Variants in HIP1 observed in about 807,000 individuals in gnomAD.
The protein encoded by HIP1 is huntingtin interacting protein 1, also known as huntingtin-interacting protein 1.
Under a neutral mutation model 147.6 loss-of-function variants are expected in HIP1, and 65 were observed. That is an observed-to-expected ratio of 0.44 (90% CI 0.36 to 0.54). The LOEUF (loss-of-function observed/expected upper bound fraction) is 0.54. Among genes scored for constraint, HIP1 ranks in the 20% least tolerant of loss-of-function variants. The pLI, the probability that HIP1 is intolerant of heterozygous loss-of-function variation, is 0.00. For synonymous variants in HIP1, 479 were observed against 504.0 expected, an observed-to-expected ratio of 0.95 and a Z score of 0.67; for missense variants, 1,061 against 1,299.6, an observed-to-expected ratio of 0.82 and a Z score of 2.82.
In HIP1 at chr7:75,536,709, A is replaced by G. The variant is rs1584763210; in HGVS notation, c.*1463T>C. Reference sequence around the variant, plus strand: ...CCTTTCTCATTTTCTCTGACCCAAGAGCTCCAAATGATCTCCTTGCTTTGG... The same window carrying G: ...CCTTTCTCATTTTCTCTGACCCAAGGGCTCCAAATGATCTCCTTGCTTTGG... On this transcript the variant is annotated 3_prime_UTR_variant, in exon 31 of 31. Transcript: ENST00000336926. 1 of 228,420 alleles carries G rather than the reference A, an allele frequency of 4.4e-6. No homozygotes were observed. Among genetic ancestry groups the G allele is most frequent in the Middle Eastern group, 1.3e-3 (1 of 764 alleles). The allele number at this position is 228,420 out of a possible 1,614,324, so 14.1% of individuals were successfully genotyped here.
intron 25 of HIP1, among the ~76,000 whole-genome samples, chr7:75,546,428 C>T (rs587721553): frequency 5.9e-5 from 9 of 152,254 alleles, no homozygotes; most frequent in Non-Finnish European, 1.0e-4. Context: ...TTACGCCTCC[C>T]GAGCTGCGGC....
intron 7 of HIP1, among the ~76,000 whole-genome samples, chr7:75,580,866 C>G (rs1224534003): frequency 2.0e-4 from 31 of 152,176 alleles, no homozygotes; most frequent in African/African-American, 6.7e-4. Flanking sequence ...CTCAGCCTCC[C>G]AAGTAACTGG....
At chr7:75,688,490 C>A (rs146051735) in intron 1 of HIP1, among the ~76,000 whole-genome samples, 2 of 152,088 alleles carry the variant, frequency 1.3e-5, no homozygotes, top group Non-Finnish European at 2.9e-5. Context: ...GGCAGCCAAG[C>A]GCACAAGTGC....
chr7:75,555,377 A>T, intron 19 of HIP1, 39 bp downstream of exon 19: 1 of 1,611,012 alleles, frequency 6.2e-7, no homozygotes. Context: ...TCAGGCTGTA[A>T]GGACCTGGCC....
chr7:75,578,108 C>T (rs1040071240), intron 7 of HIP1, among the ~76,000 whole-genome samples: 7 of 152,174 alleles, frequency 4.6e-5, no homozygotes, highest in Admixed American at 2.0e-4. Context: ...TCTCAGCTAA[C>T]CAAGTCCTTT....
chr7:75,618,634 T>C (rs1056999083), intron 1 of HIP1, among the ~76,000 whole-genome samples: 2 of 152,184 alleles, frequency 1.3e-5, no homozygotes, highest in African/African-American at 4.8e-5. Context: ...TCTTCTCTTT[T>C]ATTAATATAC....
At chr7:75,702,042 G>A (rs1379960393) in intron 1 of HIP1, among the ~76,000 whole-genome samples, 1 of 151,366 alleles carries the variant, frequency 6.6e-6, no homozygotes, top group East Asian at 1.9e-4. Context: ...CGATTCTCCT[G>A]TCTCACCCTC....
chr7:75,713,430 C>T (rs141572210), intron 1 of HIP1, among the ~76,000 whole-genome samples: 3 of 152,306 alleles, frequency 2.0e-5, no homozygotes, highest in African/African-American at 7.2e-5. Flanking sequence ...GGGAGGCAGA[C>T]AGCAAAATTT....
intron 1 of HIP1, among the ~76,000 whole-genome samples, chr7:75,725,110 C>A (rs77255244): frequency 0.051 from 7,798 of 152,082 alleles, 205 homozygotes; most frequent in Middle Eastern, 0.068. Flanking sequence ...ACTGCAGCCT[C>A]CAACTTGGGC....
At chr7:75,569,874 G>A (rs587738300) in intron 8 of HIP1, among the ~76,000 whole-genome samples, 5 of 152,096 alleles carry the variant, frequency 3.3e-5, no homozygotes, top group Admixed American at 6.6e-5. Context: ...TGCATGTACC[G>A]GGTGAGATTC....
intron 4 of HIP1, among the ~76,000 whole-genome samples, chr7:75,587,563 A>T (rs912484526): frequency 1.8e-4 from 27 of 152,190 alleles, no homozygotes; most frequent in Admixed American, 1.6e-3. Flanking sequence ...ACCAGTTGAA[A>T]TTTTTGCTAT....
chr7:75,615,063 A>G (rs1308920374), intron 1 of HIP1, among the ~76,000 whole-genome samples: 1 of 151,554 alleles, frequency 6.6e-6, no homozygotes, highest in African/African-American at 2.4e-5. Flanking sequence ...ATGAGCCACC[A>G]CGCTGGCCTG....
At chr7:75,597,117 GA>G (rs1444117606) in intron 2 of HIP1, among the ~76,000 whole-genome samples, 1 of 152,070 alleles carries the variant, frequency 6.6e-6, no homozygotes, top group Non-Finnish European at 1.5e-5. Flanking sequence ...TCTTTCTGGG[GA>G]AAAAAAGAGC....
At chr7:75,730,034 C>A (rs1225652136) in intron 1 of HIP1, among the ~76,000 whole-genome samples, 4 of 152,098 alleles carry the variant, frequency 2.6e-5, no homozygotes, top group African/African-American at 9.7e-5. Context: ...AGGTGGGGAC[C>A]ATTGTCCTGC....
Position 75,539,364 on chromosome 7 carries a change from T to C in HIP1, c.3020A>G (p.Lys1007Arg). The change falls in exon 30 of 31, where the codon AAG becomes AGG. Residue 1007 changes from lysine to arginine, a missense_variant. This residue lies in a region of HIP1 where 810 missense variants were observed against 946.8 expected (regional missense o/e 0.86). Coordinates refer to ENST00000336926, the MANE Select transcript of HIP1 (RefSeq NM_005338.7). ...ERQKLGELRK[K>R]HYELAGVAEG... ...AGCAACACCAGCAAGCTCGTAGTGC[T>C]TTTTCCGAAGCTCTCCCAGTTTTTG... The C allele has an allele frequency of 6.2e-7, 1 of 1,613,854 alleles. No individual in the cohort carries two copies. Among genetic ancestry groups the C allele is most frequent in the Non-Finnish European group, 8.5e-7 (1 of 1,179,720 alleles).
intron 26 of HIP1, 78 bp downstream of exon 26, chr7:75,545,010 T>C (rs1274541457): frequency 9.8e-6 from 9 of 922,546 alleles, no homozygotes; most frequent in African/African-American, 1.7e-5. Flanking sequence ...GATTTTTTTT[T>C]CCCTCCTTAG....
intron 1 of HIP1, among the ~76,000 whole-genome samples, chr7:75,613,807 C>T (rs1390582837): frequency 6.6e-6 from 1 of 152,244 alleles, no homozygotes; most frequent in Non-Finnish European, 1.5e-5. Context: ...CTCACTACAG[C>T]CTCAACCTCC....
At chr7:75,620,380 T>G (rs1246299822) in intron 1 of HIP1, among the ~76,000 whole-genome samples, 1 of 124,608 alleles carries the variant, frequency 8.0e-6, no homozygotes, top group Non-Finnish European at 1.6e-5. Context: ...AGCAAGACCA[T>G]GTCTTTAAAA....
At chr7:75,690,585 G>A (rs1800414415) in intron 1 of HIP1, among the ~76,000 whole-genome samples, 1 of 152,076 alleles carries the variant, frequency 6.6e-6, no homozygotes, top group African/African-American at 2.4e-5. Context: ...ACACAGGGCC[G>A]GGCGTGGTGG....
Sources: allele counts gnomAD v4.1 joint callset (sites outside exome capture counted in the v4.1 genomes callset), GRCh38; gene constraint gnomAD v4.1.1; regional missense constraint gnomAD v4.1.1; transcripts MANE v1.5; gene names NCBI Gene and HGNC (gene_info 2026-07-23, HGNC 2026-07-21).